Variants in UNC79 observed in about 807,000 individuals in gnomAD.
UNC79 encodes protein unc-79 homolog.
Under a neutral mutation model 283.1 loss-of-function variants are expected in UNC79, and 37 were observed. The ratio of observed to expected loss-of-function variants is 0.13; its 90% CI spans 0.10 to 0.17. UNC79 has a LOEUF of 0.17. Ranked by LOEUF, UNC79 falls within the 10% of genes least tolerant of loss-of-function variation. UNC79 has a pLI of 1.00. For missense variants in UNC79, 2,272 were observed against 3,211.1 expected, an observed-to-expected ratio of 0.71 and a Z score of 7.07; for synonymous variants, 1,107 against 1,200.2, an observed-to-expected ratio of 0.92 and a Z score of 1.61.
chr14:93,466,353 A>T (rs1408596945), intron 1 of UNC79, among the ~76,000 whole-genome samples: 1 of 152,258 alleles, frequency 6.6e-6, no homozygotes, highest in African/African-American at 2.4e-5. Flanking sequence ...GTTCACATTC[A>T]TGTGGATGTC....
intron 1 of UNC79, among the ~76,000 whole-genome samples, chr14:93,339,683 C>G (rs910439486): frequency 2.6e-5 from 4 of 152,258 alleles, no homozygotes; most frequent in Non-Finnish European, 5.9e-5. Context: ...GCCCAAATCA[C>G]AGACTTTTCC....
chr14:93,627,644 C>T (rs1235709148), intron 30 of UNC79, among the ~76,000 whole-genome samples: 2 of 152,164 alleles, frequency 1.3e-5, no homozygotes, highest in East Asian at 3.9e-4. Context: ...TCAGCCAAAG[C>T]AAATCACATG....
chr14:93,706,619 TGCCTGCAAGAA>T (rs2075898043), intron 48 of UNC79, 74 bp from the exon 52 acceptor site: 2 of 1,503,808 alleles, frequency 1.3e-6, no homozygotes, highest in Non-Finnish European at 1.8e-6. Flanking sequence ...GCCTAAATTC[TGCCTGCAAGAA>T]GCCGCCCGGG....
At chr14:93,446,644 T>G (rs2056469257) in intron 1 of UNC79, among the ~76,000 whole-genome samples, 1 of 152,212 alleles carries the variant, frequency 6.6e-6, no homozygotes, top group Non-Finnish European at 1.5e-5. Context: ...TCCTCCTGCC[T>G]TGGTCTCCCA....
chr14:93,703,552 C>A (rs1342867885), intron 47 of UNC79, among the ~76,000 whole-genome samples: 1 of 152,060 alleles, frequency 6.6e-6, no homozygotes. Flanking sequence ...CAAGTATGAC[C>A]CCATCTTAAC....
chr14:93,419,229 T>G (rs895603920), intron 1 of UNC79, among the ~76,000 whole-genome samples: 7 of 150,138 alleles, frequency 4.7e-5, no homozygotes, highest in Admixed American at 4.7e-4. Context: ...AGTGCAGTGG[T>G]GCAATCTTTG....
chr14:93,409,266 A>G (rs1434121370), intron 1 of UNC79, among the ~76,000 whole-genome samples: 3 of 152,240 alleles, frequency 2.0e-5, no homozygotes, highest in Non-Finnish European at 4.4e-5. Context: ...GTATCTCAAT[A>G]ATAATTAATT....
chr14:93,591,214 A>T (rs975790388), intron 22 of UNC79, among the ~76,000 whole-genome samples: 47 of 152,130 alleles, frequency 3.1e-4, no homozygotes, highest in Non-Finnish European at 5.9e-4. Flanking sequence ...TCGTACCTCC[A>T]TATGCTCTCT....
intron 1 of UNC79, among the ~76,000 whole-genome samples, chr14:93,396,245 T>A (rs1022424570): frequency 2.0e-5 from 3 of 152,010 alleles, no homozygotes; most frequent in Non-Finnish European, 2.9e-5. Context: ...TTTTTTTTTT[T>A]AAAAGTCTAT....
chr14:93,630,858 C>T lies in UNC79; in HGVS notation c.5666C>T (p.Pro1889Leu), dbSNP rs149941360. The T allele has an allele frequency of 4.6e-5, 75 of 1,614,062 alleles. 1 individual carries two copies. In the African/African-American group the frequency reaches 8.3e-4, roughly 18 times the overall value. The change falls in exon 31 of 49, where the codon CCT (proline) becomes CTT (leucine). Residue 1889 changes from proline (P) to leucine (L), a missense_variant. Transcript: ENST00000555664. ...ATGCCACGAGAATCTTCATCTGCCC[C>T]TACGTTAGATGCAGGTGTGCCGGAA...
intron 5 of UNC79, among the ~76,000 whole-genome samples, chr14:93,495,091 T>A (rs2058955368): frequency 6.6e-6 from 1 of 152,134 alleles, no homozygotes; most frequent in African/African-American, 2.4e-5. Context: ...CAGAACTGAG[T>A]CACGTGGCCA....
At chr14:93,364,407 T>C (rs562673484) in intron 1 of UNC79, among the ~76,000 whole-genome samples, 8 of 151,928 alleles carry the variant, frequency 5.3e-5, no homozygotes, top group Non-Finnish European at 1.0e-4. Context: ...TTTATCCATA[T>C]TGTAGTTTAG....
chr14:93,544,435 G>T (rs2402306), intron 14 of UNC79, among the ~76,000 whole-genome samples: 39,163 of 152,094 alleles, frequency 0.26, 5,597 homozygotes, highest in East Asian at 0.69. Context: ...CTCCCTTTCG[G>T]GGGGGTTAAC....
In UNC79 at chr14:93,423,983, G is replaced by A. The variant is rs146918964; in HGVS notation, c.-350-43688G>A. On this transcript the variant is annotated intron_variant, in intron 1 of 49. Coordinates refer to the UNC79 transcript ENST00000256339. ...ACCTATTTGACAAGGGATTAATAAC[G>A]AGAATATATAAGGAGTTCAAACAAC... 2.1e-3 allele frequency among the ~76,000 whole-genome samples: 322 copies of A among 152,166 alleles called. 1 individual carries two copies. Among genetic ancestry groups the A allele is most frequent in the African/African-American group, 7.4e-3 (308 of 41,530 alleles).
chr14:93,695,764 C>G (rs924476799), intron 47 of UNC79, among the ~76,000 whole-genome samples: 2 of 151,666 alleles, frequency 1.3e-5, no homozygotes, highest in African/African-American at 4.8e-5. Flanking sequence ...TGGTGGCACA[C>G]ACTTGTAATC....
At chr14:93,498,197 G>T (rs1402036918) in intron 7 of UNC79, among the ~76,000 whole-genome samples, 2 of 151,832 alleles carry the variant, frequency 1.3e-5, no homozygotes, top group Non-Finnish European at 2.9e-5. Flanking sequence ...AACCCAGGAG[G>T]AGGAGGTTGC....
chr14:93,666,693 T>A (rs912323658), intron 40 of UNC79, among the ~76,000 whole-genome samples: 5 of 152,048 alleles, frequency 3.3e-5, no homozygotes, highest in African/African-American at 9.7e-5. Flanking sequence ...TATGGATAGA[T>A]CAAGCAGATA....
chr14:93,448,337 G>A (rs2056529909), intron 1 of UNC79, among the ~76,000 whole-genome samples: 1 of 151,904 alleles, frequency 6.6e-6, no homozygotes, highest in Non-Finnish European at 1.5e-5. Context: ...TTCAGTTCTA[G>A]AATTTCCATC....
At chr14:93,506,248 G>C (rs539943948) in intron 7 of UNC79, among the ~76,000 whole-genome samples, 4 of 147,392 alleles carry the variant, frequency 2.7e-5, no homozygotes, top group South Asian at 4.2e-4. Flanking sequence ...TTGAGATGTA[G>C]TTTCGCTCTT....
Sources: gnomAD v4.1 joint callset for allele counts (sites outside exome capture counted in the v4.1 genomes callset) on GRCh38, gnomAD v4.1.1 for gene constraint, MANE v1.5 for transcripts, NCBI Gene and HGNC (gene_info 2026-07-23, HGNC 2026-07-21) for gene names.